Variants in ZNF850 observed in about 807,000 individuals in gnomAD.
The protein encoded by ZNF850 is putative zinc finger protein ENSP00000330994.
In ZNF850, 2 loss-of-function variants were observed where a neutral mutation model predicts 11.9. That is an observed-to-expected ratio of 0.17 (90% CI 0.07 to 0.53). The LOEUF (loss-of-function observed/expected upper bound fraction) is 0.53. ZNF850 is among the 20% of genes least tolerant of loss of function. The pLI is 0.94. For missense variants in ZNF850, 1,014 were observed against 1,316.4 expected, an observed-to-expected ratio of 0.77 and a Z score of 3.55; for synonymous variants, 381 against 443.0, an observed-to-expected ratio of 0.86 and a Z score of 1.76.
chr19:36,752,991 C>T (rs906516073), intron 4 of ZNF850, among the ~76,000 whole-genome samples: 1 of 152,032 alleles, frequency 6.6e-6, no homozygotes, highest in Admixed American at 6.6e-5. Flanking sequence ...TCTACGGGGC[C>T]AGGTGCGGTG....
Position 36,762,437 on chromosome 19 carries a change from A to T in ZNF850, c.13-6T>A, listed in dbSNP as rs1263249809. The T allele has an allele frequency of 6.4e-7, 1 of 1,554,928 alleles. No homozygotes were observed. On this transcript the variant is annotated splice_polypyrimidine_tract_variant and splice_region_variant and intron_variant, in intron 2 of 4. Transcript: ENST00000591344. ...TCCTGGAACATGACCAACCCCTGAA[A>T]TGACAAACCCATGCAGCGCTGTTGA...
intron 4 of ZNF850, among the ~76,000 whole-genome samples, chr19:36,757,664 AC>A (rs751045644): frequency 3.3e-5 from 5 of 151,552 alleles, no homozygotes; most frequent in Non-Finnish European, 7.4e-5. Flanking sequence ...CTGCCACCAC[AC>A]CCGGCTAATT....
intron 4 of ZNF850, among the ~76,000 whole-genome samples, chr19:36,753,446 A>AAAAAAAAT (rs2040466600): frequency 6.8e-6 from 1 of 146,476 alleles, no homozygotes. Flanking sequence ...AAAAAAAAAA[A>AAAAAAAAT]GCCGGGTGTG....
At chr19:36,764,117 C>G (rs535864994) in intron 1 of ZNF850, among the ~76,000 whole-genome samples, 2 of 147,906 alleles carry the variant, frequency 1.4e-5, no homozygotes, top group East Asian at 4.1e-4. Context: ...TGGTGGCACA[C>G]GCCTATAGTC....
At chr19:36,770,254 C>T (rs569848500) in intron 1 of ZNF850, among the ~76,000 whole-genome samples, 35 of 152,278 alleles carry the variant, frequency 2.3e-4, no homozygotes, top group Admixed American at 3.9e-4. Context: ...ATTGATTAAA[C>T]CACTGGCTAC....
At chr19:36,763,477 G>A (rs745543065) in intron 1 of ZNF850, among the ~76,000 whole-genome samples, 3 of 151,764 alleles carry the variant, frequency 2.0e-5, no homozygotes, top group Non-Finnish European at 4.4e-5. Context: ...CTGGGAGGCA[G>A]AGGTTGCGGT....
chr19:36,762,618 T>A lies in ZNF850; in HGVS notation c.-12A>T. On this transcript the variant is annotated 5_prime_UTR_variant, in exon 2 of 5. Transcript: ENST00000591344. ...ACCTCCATGTTCATGAATATTCCTG[T>A]TGCAGCCAGCAAACCTCCTTCATAG... 1 of 1,535,960 alleles carries A rather than the reference T, an allele frequency of 6.5e-7. No individual in the cohort carries two copies. The highest frequency in any genetic ancestry group is 8.7e-7 in the Non-Finnish European group (1 of 1,146,740).
intron 4 of ZNF850, among the ~76,000 whole-genome samples, chr19:36,754,673 A>C (rs2040474648): frequency 6.6e-6 from 1 of 152,048 alleles, no homozygotes; most frequent in Non-Finnish European, 1.5e-5. Context: ...CTCCTGCCTC[A>C]GCCTCCCAAG....
chr19:36,748,772 G>C lies in ZNF850; in HGVS notation c.2268C>G (p.Pro756=). ...QHQQIHTGEK[P]YDCKECGKSF... is the part of the protein sequence containing the mutation. ...ATTTCCCACATTCCTTACAATCATAGGGTTTCTCACCAGTGTGAATTTGCT... is the reference window on the plus strand; with the variant it reads ...ATTTCCCACATTCCTTACAATCATACGGTTTCTCACCAGTGTGAATTTGCT... The change falls in exon 5 of 5, where the codon CCC becomes CCG. Residue 756 remains proline, a synonymous_variant. Coordinates refer to ENST00000591344, the MANE Select transcript of ZNF850 (RefSeq NM_001193552.2). The C allele has an allele frequency of 6.4e-7, 1 of 1,550,982 alleles. No homozygotes were observed. The highest frequency in any genetic ancestry group is 8.7e-7 in the Non-Finnish European group (1 of 1,153,424).
chr19:36,753,888 T>G (rs2040469512), intron 4 of ZNF850, among the ~76,000 whole-genome samples: 1 of 152,050 alleles, frequency 6.6e-6, no homozygotes, highest in Non-Finnish European at 1.5e-5. Flanking sequence ...AACTTCCAAA[T>G]CAGTGGAATC....
Position 36,744,142 on chromosome 19 carries a change from A to G in ZNF850, c.*3625T>C, listed in dbSNP as rs2040397551. ...CGGTAAGCCGAGATCGTGCCATTGC[A>G]CTCCAGCCTGGGCAACAATAGCAAA... On this transcript the variant is annotated 3_prime_UTR_variant, in exon 5 of 5. Transcript: ENST00000591344. 6.6e-6 allele frequency: 1 copy of G among 150,622 alleles called. No individual in the cohort carries two copies. Among genetic ancestry groups the G allele is most frequent in the African/African-American group, 2.4e-5 (1 of 40,832 alleles). The allele number at this position is 150,622 out of a possible 1,614,324, so 9.3% of individuals were successfully genotyped here.
At chr19:36,753,427 A>AAAAAAAAAAAAAAAAC (rs2040466220) in intron 4 of ZNF850, among the ~76,000 whole-genome samples, 1 of 132,352 alleles carries the variant, frequency 7.6e-6, no homozygotes, top group Non-Finnish European at 1.5e-5. Context: ...TGTCTCAAAA[A>AAAAAAAAAAAAAAAAC]AAAAAAAAAA....
In ZNF850 at chr19:36,745,176, GAT is replaced by G. The variant is rs2040404173; in HGVS notation, c.*2589_*2590del. ...TAACCTTAAAATAACCTTCTTAAAA[GAT>G]ATGTGTGTGTGTGTGTGTGTATATA... is the stretch of plus-strand genomic sequence containing the variant. On this transcript the variant is annotated 3_prime_UTR_variant, in exon 5 of 5. Coordinates refer to ENST00000591344, the MANE Select transcript of ZNF850 (RefSeq NM_001193552.2). 1 of 75,662 alleles carries G rather than the reference GAT, an allele frequency of 1.3e-5. No individual in the cohort carries two copies. Among genetic ancestry groups the G allele is most frequent in the Non-Finnish European group, 2.7e-5 (1 of 36,574 alleles). The allele number at this position is 75,662 out of a possible 1,614,324, so 4.7% of individuals were successfully genotyped here. A position where few individuals can be genotyped will look rare whatever the true frequency, so the allele number is the denominator to read the frequency against.
In ZNF850 at chr19:36,763,564, C is replaced by CA. The variant is rs930480679; in HGVS notation, c.-69-890dup. Among the ~76,000 whole-genome samples, 230 of 150,172 alleles carry CA rather than the reference C, an allele frequency of 1.5e-3. 1 individual carries two copies. The highest frequency in any genetic ancestry group is 5.3e-3 in the African/African-American group (216 of 41,044). On this transcript the variant is annotated intron_variant, in intron 1 of 4. Coordinates refer to ENST00000591344, the MANE Select transcript of ZNF850 (RefSeq NM_001193552.2). Reference sequence around the variant, plus strand: ...TGTCTCAAAACAAACACAACAACAACAAAAAAAAACCTCTAATGCACTTCA... The same window carrying CA: ...TGTCTCAAAACAAACACAACAACAACAAAAAAAAAACCTCTAATGCACTTCA...
In ZNF850 at chr19:36,750,420, T is replaced by A. The variant is rs192172039; in HGVS notation, c.620A>T (p.His207Leu). ...YKCKECGKAF[H>L]HFSYLVKHQR... Reference sequence around the variant, plus strand: ...ATGTTTAACAAGATAGGAAAAGTGATGAAAGGCCTTCCCACACTCCTTACA... The same window carrying A: ...ATGTTTAACAAGATAGGAAAAGTGAAGAAAGGCCTTCCCACACTCCTTACA... The change falls in exon 5 of 5, where the codon CAT becomes CTT. Residue 207 changes from histidine to leucine, a missense_variant. Around this residue, in one of 2 missense-constraint regions of ZNF850, gnomAD observed 835 missense variants for 1,022.0 expected, o/e 0.82. Coordinates refer to ENST00000591344, the MANE Select transcript of ZNF850 (RefSeq NM_001193552.2). 1 of 1,536,636 alleles carries A rather than the reference T, an allele frequency of 6.5e-7. No homozygotes were observed. The highest frequency in any genetic ancestry group is 2.4e-5 in the East Asian group (1 of 40,916).
intron 1 of ZNF850, among the ~76,000 whole-genome samples, chr19:36,769,454 G>A (rs1388910026): frequency 2.0e-5 from 3 of 151,652 alleles, no homozygotes; most frequent in Non-Finnish European, 4.4e-5. Flanking sequence ...TTGTAATTAT[G>A]CCAGAGTGCT....
Position 36,748,997 on chromosome 19 carries a change from G to GGCC in ZNF850, c.2040_2042dup (p.Ala681dup), listed in dbSNP as rs1427042115. The GGCC allele has an allele frequency of 1.9e-6, 3 of 1,606,064 alleles. No individual in the cohort carries two copies. Among genetic ancestry groups the GGCC allele is most frequent in the Non-Finnish European group, 2.5e-6 (3 of 1,177,256 alleles). ...GATTAAGGTATGTACGCTGTCTAAA[G>GGCC]GCCTTCCCACAGTCCGGACATTCAT... On this transcript the variant is annotated inframe_insertion, in exon 5 of 5. Coordinates refer to ENST00000591344, the MANE Select transcript of ZNF850 (RefSeq NM_001193552.2).
Position 36,743,796 on chromosome 19 carries a change from C to T in ZNF850, c.*3971G>A, listed in dbSNP as rs2040395385. ...TACTGAAATAAAGACACACCAGGTA[C>T]AAGAGAAAAACTCAATGTCGTAAAG... On this transcript the variant is annotated 3_prime_UTR_variant, in exon 5 of 5. Transcript: ENST00000591344. 1 of 152,132 alleles carries T rather than the reference C, an allele frequency of 6.6e-6. No homozygotes were observed. The highest frequency in any genetic ancestry group is 2.4e-5 in the African/African-American group (1 of 41,438). The allele number at this position is 152,132 out of a possible 1,614,324, so 9.4% of individuals were successfully genotyped here.
chr19:36,752,937 A>T (rs555174314), intron 4 of ZNF850, among the ~76,000 whole-genome samples: 2 of 152,272 alleles, frequency 1.3e-5, no homozygotes, highest in South Asian at 4.1e-4. Context: ...TTCTAAAAAA[A>T]ATCTGAGGTG....
Sources: allele counts gnomAD v4.1 joint callset (sites outside exome capture counted in the v4.1 genomes callset), GRCh38; gene constraint gnomAD v4.1.1; regional missense constraint gnomAD v4.1.1; transcripts MANE v1.5; gene names NCBI Gene and HGNC (gene_info 2026-07-23, HGNC 2026-07-21).